Variants in MAGEB16 observed in about 807,000 individuals in gnomAD.
MAGEB16 encodes melanoma-associated antigen B16.
For missense variants in MAGEB16, 217 were observed against 234.0 expected (o/e 0.93, Z 0.47); for synonymous variants, 95 against 92.1 (o/e 1.03, Z -0.18).
chrX:35,800,686 A>G, intron 1 of MAGEB16: 1 of 484,759 alleles, frequency 2.1e-6, no homozygotes, highest in Non-Finnish European at 3.7e-6. Flanking sequence ...TGTCAGGATG[A>G]GATATCTACT....
intron 1 of MAGEB16, chrX:35,798,721 T>TG (rs1396367255): frequency 1.8e-5 from 2 of 111,808 alleles, no homozygotes; most frequent in African/African-American, 6.5e-5. Flanking sequence ...CTGCAAGGCT[T>TG]GGGGGCAAGG....
Position 35,799,348 on chromosome X carries a change from C to T in MAGEB16, c.-67+930C>T, listed in dbSNP as rs139437158. 3.4e-3 allele frequency among the ~76,000 whole-genome samples: 381 copies of T among 110,888 alleles called. 2 individuals carry two copies. The highest frequency in any genetic ancestry group is 0.012 in the African/African-American group (359 of 30,467). ...TTGGAAGGGGGCAGCATCAGTTAGCCGACTGGAGGGAACACATTACCAACT... is the reference window on the plus strand; with the variant it reads ...TTGGAAGGGGGCAGCATCAGTTAGCTGACTGGAGGGAACACATTACCAACT... On this transcript the variant is annotated intron_variant, in intron 1 of 1. Transcript: ENST00000399988.
chrX:35,802,056 G>A (rs944370115), intron 1 of MAGEB16, 75 bp from the exon 2 acceptor site: 2 of 694,174 alleles, frequency 2.9e-6, no homozygotes, highest in African/African-American at 4.4e-5. Flanking sequence ...AAGTCTATAG[G>A]CAGTGGCTTC....
At chrX:35,800,631 C>G (rs1253438039) in intron 1 of MAGEB16, 9 of 518,420 alleles carry the variant, frequency 1.7e-5, no homozygotes, top group Non-Finnish European at 3.2e-5. Flanking sequence ...CAGAACGTAG[C>G]CCTGCTTAGC....
intron 1 of MAGEB16, among the ~76,000 whole-genome samples, chrX:35,800,721 A>G (rs191901741): frequency 9.0e-6 from 1 of 110,929 alleles, no homozygotes; most frequent in Non-Finnish European, 1.9e-5. Context: ...TGAACTCAGG[A>G]TAACAAAGGT....
chrX:35,799,298 G>A (rs1934842656), intron 1 of MAGEB16, among the ~76,000 whole-genome samples: 1 of 111,034 alleles, frequency 9.0e-6, no homozygotes, highest in African/African-American at 3.3e-5. Flanking sequence ...TCCTTTGTGG[G>A]TATCTCATAG....
chrX:35,799,015 T>G (rs1344631919), intron 1 of MAGEB16, among the ~76,000 whole-genome samples: 1 of 108,429 alleles, frequency 9.2e-6, no homozygotes. Context: ...GGACTACAGG[T>G]GCCCGCCACC....
exon 2 of MAGEB16, chrX:35,802,481 T>C (rs1934872400): frequency 1.7e-6 from 2 of 1,208,545 alleles, no homozygotes; most frequent in Non-Finnish European, 2.2e-6. Context: ...AGGAAGATAG[T>C]CCAAGCTCCT....
exon 2 of MAGEB16, chrX:35,802,661 C>T (rs187910329): frequency 1.6e-4 from 193 of 1,209,422 alleles, no homozygotes; most frequent in Admixed American, 2.0e-4. Flanking sequence ...CTGAGATCCT[C>T]CTGAGAGCTT....
At chrX:35,800,984 A>G (rs954776640) in intron 1 of MAGEB16, among the ~76,000 whole-genome samples, 1 of 111,246 alleles carries the variant, frequency 9.0e-6, no homozygotes, top group Non-Finnish European at 1.9e-5. Flanking sequence ...GACCAATAGG[A>G]ATCCACTCCA....
rs1022539945 is a variant in MAGEB16 at position 35,802,933 on chromosome X, C to G, written c.737C>G (p.Pro246Arg). The change falls in exon 2 of 2, where the codon CCC becomes CGC. Residue 246 changes from proline to arginine, a missense_variant. Transcript: ENST00000399988. ...AAGAAGCACTTCATCTTTGGAGAGC[C>G]CAGAATGCTCATCACCAAAGATTTT... 8.3e-6 allele frequency: 10 copies of G among 1,209,890 alleles called. No individual in the cohort carries two copies. In the Admixed American group the frequency reaches 1.7e-4, roughly 21 times the overall value.
exon 2 of MAGEB16, chrX:35,803,360 G>T (rs1249393131): frequency 1.7e-5 from 6 of 362,430 alleles, no homozygotes; most frequent in Non-Finnish European, 2.4e-5. Context: ...TCCCTATTTT[G>T]TATGTGTAAC....
intron 1 of MAGEB16, among the ~76,000 whole-genome samples, chrX:35,799,078 T>A (rs1934840475): frequency 9.4e-6 from 1 of 106,025 alleles, no homozygotes; most frequent in African/African-American, 3.5e-5. Context: ...GAGACGGGGT[T>A]TCACCGTTTT....
exon 2 of MAGEB16, chrX:35,802,409 T>G: frequency 8.3e-7 from 1 of 1,208,360 alleles, no homozygotes. Context: ...TCTGCTCCTC[T>G]TCCATTGCCG....
At chrX:35,802,078 C>T in intron 1 of MAGEB16, 53 bp from the exon 2 acceptor site, 1 of 933,016 alleles carries the variant, frequency 1.1e-6, no homozygotes, top group Non-Finnish European at 1.5e-6. Flanking sequence ...ATCAGAGCTA[C>T]CGCAGTTGAG....
chrX:35,802,976 G>A, exon 2 of MAGEB16: 1 of 1,211,858 alleles, frequency 8.3e-7, no homozygotes, highest in Admixed American at 2.2e-5. Context: ...AGAAGTACCT[G>A]GAGTACCAGC....
intron 1 of MAGEB16, chrX:35,798,880 G>GT (rs367928650): frequency 8.2e-5 from 9 of 110,272 alleles, no homozygotes; most frequent in Admixed American, 9.7e-5. Context: ...CTTTTGTTTT[G>GT]TTTTTTTTGA....
At chrX:35,800,424 G>T (rs745984312) in intron 1 of MAGEB16, 8 of 508,465 alleles carry the variant, frequency 1.6e-5, no homozygotes, top group Non-Finnish European at 2.9e-5. Flanking sequence ...GGTACCGAGA[G>T]GTTAGGTGAA....
At chrX:35,800,432 G>A in intron 1 of MAGEB16, 1 of 515,354 alleles carries the variant, frequency 1.9e-6, no homozygotes, top group Admixed American at 2.7e-5. Flanking sequence ...GAGGTTAGGT[G>A]AAGACACAGA....
Sources: gnomAD v4.1 joint callset for allele counts (sites outside exome capture counted in the v4.1 genomes callset) on GRCh38, gnomAD v4.1.1 for gene constraint, MANE v1.5 for transcripts, NCBI Gene and HGNC (gene_info 2026-07-23, HGNC 2026-07-21) for gene names.